The following SETBP1 variants were observed in gnomAD, a reference collection of about 807,000 sequenced individuals.
SETBP1 encodes SET-binding protein.
In SETBP1, 9 loss-of-function variants were observed where a neutral mutation model predicts 101.0. That is an observed-to-expected ratio of 0.09 (90% confidence interval 0.05 to 0.16). SETBP1 has a LOEUF of 0.16. Ranked by LOEUF, SETBP1 falls within the 10% of genes least tolerant of loss-of-function variation. The pLI is 1.00. For synonymous variants in SETBP1, 818 were observed against 788.5 expected, an observed-to-expected ratio of 1.04 and a Z score of -0.63; for missense variants, 1,858 against 2,033.8, an observed-to-expected ratio of 0.91 and a Z score of 1.66.
chr18:45,062,948 C>A, intron 5 of SETBP1, 131 bp from the exon 6 acceptor site: 1 of 1,165,932 alleles, frequency 8.6e-7, no homozygotes, highest in Non-Finnish European at 1.2e-6. Context: ...ATCTTGGGCA[C>A]GGAGACATAC....
rs1004485463 is a variant in SETBP1 at position 45,063,773 on chromosome 18, G to GAATCCCCCGCTGCAGGGACAC, written c.*76_*96dup. On this transcript the variant is annotated 3_prime_UTR_variant, in exon 6 of 6. Coordinates refer to ENST00000649279, the MANE Select transcript of SETBP1 (RefSeq NM_015559.3). ...AGCGCAGTGAGCCGGGGCGGGGGCG[G>GAATCCCCCGCTGCAGGGACAC]AATCCCCCGCTGCAGGGACACCCAC... 16 of 1,496,532 alleles carry GAATCCCCCGCTGCAGGGACAC rather than the reference G, an allele frequency of 1.1e-5. No individual in the cohort carries two copies. The highest frequency in any genetic ancestry group is 2.6e-5 in the East Asian group (1 of 38,978). The allele number at this position is 1,496,532 out of a possible 1,614,324, so 92.7% of individuals were successfully genotyped here. A position where few individuals can be genotyped will look rare whatever the true frequency, so the allele number is the denominator to read the frequency against.
chr18:44,847,137 G>T (rs1343059072), intron 2 of SETBP1, among the ~76,000 whole-genome samples: 1 of 152,222 alleles, frequency 6.6e-6, no homozygotes, highest in Non-Finnish European at 1.5e-5. Context: ...GGGAAGGAAG[G>T]TTAAGAATAG....
chr18:44,718,217 G>C (rs1015689494), intron 2 of SETBP1, among the ~76,000 whole-genome samples: 1 of 152,208 alleles, frequency 6.6e-6, no homozygotes, highest in Non-Finnish European at 1.5e-5. Context: ...GGTTGAAAGT[G>C]ATGGATGCCA....
intron 5 of SETBP1, among the ~76,000 whole-genome samples, chr18:45,052,244 A>G (rs2073734747): frequency 6.6e-6 from 1 of 152,242 alleles, no homozygotes; most frequent in Non-Finnish European, 1.5e-5. Flanking sequence ...AGGGCAGACT[A>G]AGTGAAGTGC....
At chr18:45,010,287 G>T (rs1298253840) in intron 4 of SETBP1, among the ~76,000 whole-genome samples, 1 of 152,142 alleles carries the variant, frequency 6.6e-6, no homozygotes, top group Non-Finnish European at 1.5e-5. Flanking sequence ...CCATCATATT[G>T]GTAAATTCAC....
At chr18:44,804,645 A>G (rs1162983504) in intron 2 of SETBP1, among the ~76,000 whole-genome samples, 1 of 152,140 alleles carries the variant, frequency 6.6e-6, no homozygotes, top group African/African-American at 2.4e-5. Flanking sequence ...ATGAGAGAAC[A>G]TGCAGTTCTA....
At chr18:44,824,340 AC>A (rs1195638538) in intron 2 of SETBP1, among the ~76,000 whole-genome samples, 1 of 151,924 alleles carries the variant, frequency 6.6e-6, no homozygotes, top group African/African-American at 2.4e-5. Flanking sequence ...CTACCCTGAT[AC>A]CTGCTTATTT....
At chr18:44,741,475 C>G (rs919993940) in intron 2 of SETBP1, among the ~76,000 whole-genome samples, 1 of 152,160 alleles carries the variant, frequency 6.6e-6, no homozygotes, top group Admixed American at 6.5e-5. Flanking sequence ...TTTTCCTTTT[C>G]GGTTCCATGC....
At chr18:44,699,253 A>G (rs2069072322) in intron 1 of SETBP1, among the ~76,000 whole-genome samples, 1 of 152,212 alleles carries the variant, frequency 6.6e-6, no homozygotes, top group Admixed American at 6.5e-5. Context: ...CATTACTGCC[A>G]TAAGAAAACA....
chr18:44,859,148 T>C (rs550916087), intron 2 of SETBP1, among the ~76,000 whole-genome samples: 2 of 152,170 alleles, frequency 1.3e-5, no homozygotes, highest in East Asian at 3.9e-4. Context: ...TTAACAATGT[T>C]CATAGCAGTG....
chr18:44,700,521 T>C (rs536207435), intron 1 of SETBP1, among the ~76,000 whole-genome samples: 1 of 152,360 alleles, frequency 6.6e-6, no homozygotes, highest in Non-Finnish European at 1.5e-5. Flanking sequence ...CACAGTGTTA[T>C]AAGTGATTTG....
intron 4 of SETBP1, among the ~76,000 whole-genome samples, chr18:44,981,493 A>G (rs113610492): frequency 1.3e-5 from 2 of 152,382 alleles, no homozygotes; most frequent in African/African-American, 4.8e-5. Context: ...AACAACTTTC[A>G]GTTCTGTGGG....
At chr18:44,868,683 AG>A (rs1210565603) in intron 2 of SETBP1, among the ~76,000 whole-genome samples, 3 of 134,230 alleles carry the variant, frequency 2.2e-5, no homozygotes, top group Non-Finnish European at 4.9e-5. Context: ...AGAGAGAGAG[AG>A]AGAGAGAGAG....
intron 4 of SETBP1, among the ~76,000 whole-genome samples, chr18:45,029,538 A>G (rs1212651523): frequency 1.7e-4 from 26 of 152,250 alleles, no homozygotes; most frequent in Non-Finnish European, 2.2e-4. Flanking sequence ...GTTTTTTCCA[A>G]TTCTGTGAAG....
rs147082972 is a variant in SETBP1, at chr18:44,953,248, A to C, written c.3908A>C (p.Tyr1303Ser). The C allele has an allele frequency of 4.0e-5, 64 of 1,614,040 alleles. No individual in the cohort carries two copies. Among genetic ancestry groups the C allele is most frequent in the Admixed American group, 1.0e-4 (6 of 60,010 alleles). The stretch of plus-strand genomic sequence containing the variant: ...GTGAGTGGGAGTAAAAGGAGGAGCT[A>C]TGAAGGCTTTGGAACGTACAGGGAA... ...SDVSGSKRRS[Y>S]EGFGTYREKD... The change falls in exon 4 of 6, where the codon TAT becomes TCT. Residue 1303 changes from tyrosine (Y) to serine (S), a missense_variant. Tyr to Ser is a moderately radical substitution (Grantham distance 144). Transcript: ENST00000649279.
At chr18:44,690,759 A>G (rs531535934) in intron 1 of SETBP1, among the ~76,000 whole-genome samples, 1 of 152,254 alleles carries the variant, frequency 6.6e-6, no homozygotes, top group African/African-American at 2.4e-5. Context: ...GTTAAATAGT[A>G]TAATAAACTT....
intron 4 of SETBP1, among the ~76,000 whole-genome samples, chr18:44,966,502 C>T (rs2071723777): frequency 6.6e-6 from 1 of 152,094 alleles, no homozygotes; most frequent in Non-Finnish European, 1.5e-5. Flanking sequence ...TTTTATATGG[C>T]CTTATATTGT....
In SETBP1 at chr18:44,952,538, C is replaced by T. The variant is rs373264085; in HGVS notation, c.3198C>T (p.Tyr1066=). The change falls in exon 4 of 6, where the codon TAC becomes TAT. Residue 1066 remains tyrosine (Y), a synonymous_variant. Coordinates refer to ENST00000649279, the MANE Select transcript of SETBP1 (RefSeq NM_015559.3). ...TGCCTATGATGAACCTTGGTTATTA[C>T]GGTCAGTACCCAGCTCCTTTGTACC... The part of the protein sequence containing the change: ...TSMPMMNLGY[Y]GQYPAPLYLS... The T allele has an allele frequency of 1.7e-5, 28 of 1,613,980 alleles. No individual in the cohort carries two copies. The highest frequency in any genetic ancestry group is 3.3e-5 in the Admixed American group (2 of 60,002).
At chr18:44,720,877 C>T (rs2069571578) in intron 2 of SETBP1, among the ~76,000 whole-genome samples, 1 of 151,440 alleles carries the variant, frequency 6.6e-6, no homozygotes, top group South Asian at 2.1e-4. Flanking sequence ...CCTACGTGCA[C>T]TAAGAAAGCA....
Sources: allele counts gnomAD v4.1 joint callset (sites outside exome capture counted in the v4.1 genomes callset), GRCh38; gene constraint gnomAD v4.1.1; transcripts MANE v1.5; gene names NCBI Gene and HGNC (gene_info 2026-07-23, HGNC 2026-07-21).